The following IFT172 variants were observed in gnomAD, a reference collection of about 807,000 sequenced individuals.
IFT172 encodes intraflagellar transport 172.
IFT172 carries 164 observed loss-of-function variants against 248.9 expected under a neutral mutation model. The observed-to-expected ratio is 0.66, with a 90% confidence interval of 0.58 to 0.75. The LOEUF (loss-of-function observed/expected upper bound fraction) is 0.75. Among genes scored for constraint, IFT172 ranks in the 30% least tolerant of loss-of-function variants. The pLI, the probability that IFT172 is intolerant of heterozygous loss-of-function variation, is 0.00. For missense variants in IFT172, 1,950 were observed against 2,192.4 expected (o/e 0.89, Z 2.21); for synonymous variants, 729 against 791.6 (o/e 0.92, Z 1.33).
In IFT172 at chr2:27,453,867, C is replaced by G. The variant is rs1411582768; in HGVS notation, c.3711+115G>C. On this transcript the variant is annotated intron_variant, in intron 33 of 47. Coordinates refer to ENST00000260570, the MANE Select transcript of IFT172 (RefSeq NM_015662.3). ...CTTCTCCTCCTCTTTCCTGTCTTCCCCACTCCCCAATACTAACCTCCCTGA... is the reference window on the plus strand; with the variant it reads ...CTTCTCCTCCTCTTTCCTGTCTTCCGCACTCCCCAATACTAACCTCCCTGA... 8.6e-6 allele frequency: 12 copies of G among 1,397,858 alleles called. No individual in the cohort carries two copies. In the East Asian group the frequency reaches 2.5e-4, roughly 30 times the overall value. The allele number at this position is 1,397,858 out of a possible 1,614,324, so 86.6% of individuals were successfully genotyped here.
intron 23 of IFT172, 126 bp from the exon 24 acceptor site, chr2:27,459,955 A>G: frequency 8.1e-7 from 1 of 1,234,658 alleles, no homozygotes; most frequent in Non-Finnish European, 1.1e-6. Context: ...GGAGCCAGGC[A>G]TCCTGAACAC....
At chr2:27,467,512 TGA>T (rs1475817074) in intron 16 of IFT172, among the ~76,000 whole-genome samples, 2 of 133,492 alleles carry the variant, frequency 1.5e-5, no homozygotes, top group East Asian at 4.4e-4. Flanking sequence ...CTCAGGAGGC[TGA>T]GATAGGAGTA....
At position 27,447,554 on chromosome 2, in the gene IFT172, G is replaced by A. The variant is rs1191924058; in HGVS notation, c.4620C>T (p.Tyr1540=). 1.9e-6 allele frequency: 3 copies of A among 1,614,166 alleles called. 1 individual carries two copies. Among genetic ancestry groups the A allele is most frequent in the East Asian group, 4.5e-5 (2 of 44,880 alleles). The change falls in exon 42 of 48, where the codon TAC becomes TAT. Residue 1540 remains tyrosine, a synonymous_variant. Coordinates refer to ENST00000260570, the MANE Select transcript of IFT172 (RefSeq NM_015662.3). ...TCTGGGCTGCAGAGCGCGTGGCATAGTAATGAGCGATCAGCAGCATCGTCT... is the reference window on the plus strand; with the variant it reads ...TCTGGGCTGCAGAGCGCGTGGCATAATAATGAGCGATCAGCAGCATCGTCT... The part of the protein sequence containing the change: ...EFKTMLLIAH[Y]YATRSAAQSV...
chr2:27,467,555 T>C (rs1572783029), intron 16 of IFT172, among the ~76,000 whole-genome samples: 1 of 124,638 alleles, frequency 8.0e-6, no homozygotes, highest in South Asian at 2.4e-4. Flanking sequence ...GAGGCTGCAG[T>C]GAGCCAAGAT....
At chr2:27,481,491 A>G (rs1439195665) in intron 7 of IFT172, among the ~76,000 whole-genome samples, 1 of 151,292 alleles carries the variant, frequency 6.6e-6, no homozygotes, top group Non-Finnish European at 1.5e-5. Context: ...ATAGGGGTTG[A>G]CCTTGTGCTC....
intron 5 of IFT172, 95 bp downstream of exon 5, chr2:27,483,777 C>T (rs1668555479): frequency 1.4e-6 from 2 of 1,434,600 alleles, no homozygotes; most frequent in Non-Finnish European, 2.0e-6. Context: ...CCCCAGTACG[C>T]AACTTGATCC....
At position 27,445,367 on chromosome 2, in the gene IFT172, T is replaced by C. The variant is rs1664968356; in HGVS notation, c.4997A>G (p.Glu1666Gly). ...QRLEQVLPRD[E>G]RGAYEASLVA... ...TAGGGAGGCCTCGTAGGCGCCACGC[T>C]CATCCCGAGGCAGAACCTGCTCCAG... is the stretch of plus-strand genomic sequence containing the variant. The change falls in exon 46 of 48, where the codon GAG becomes GGG. Residue 1666 changes from glutamate to glycine, a missense_variant. Glu to Gly is a moderately conservative substitution (Grantham distance 98). Transcript: ENST00000260570. The surrounding 1 kb of genome is among the most constrained non-coding windows in gnomAD (Gnocchi z 4.4). 6.2e-7 allele frequency: 1 copy of C among 1,612,966 alleles called. No homozygotes were observed. The highest frequency in any genetic ancestry group is 1.3e-5 in the African/African-American group (1 of 74,812).
chr2:27,449,725 TG>T lies in IFT172; in HGVS notation c.4125del (p.Asn1375LysfsTer6), dbSNP rs1558357850. On this transcript the variant is annotated frameshift_variant, in exon 37 of 48. Coordinates refer to ENST00000260570, the MANE Select transcript of IFT172 (RefSeq NM_015662.3). LOFTEE classifies it high-confidence loss of function. Reference sequence around the variant, plus strand: ...AACTCCTTAGCTACACGCTTCGCCTTGTTCCACTCCTCACCCTCGATGAAAG... The same window carrying T: ...AACTCCTTAGCTACACGCTTCGCCTTTTCCACTCCTCACCCTCGATGAAAG... ...IDAFIEGEEW[N>X]KAKRVAKELD... 1 of 1,614,072 alleles carries T rather than the reference TG, an allele frequency of 6.2e-7. No individual in the cohort carries two copies. The highest frequency in any genetic ancestry group is 2.2e-5 in the East Asian group (1 of 44,880).
chr2:27,483,813 T>G, intron 5 of IFT172, 59 bp downstream of exon 5: 1 of 1,490,576 alleles, frequency 6.7e-7, no homozygotes, highest in Admixed American at 1.7e-5. Flanking sequence ...ACCATATTCC[T>G]CTCTCCAGAA....
rs560831644 is a variant in IFT172, at chr2:27,445,070, G to T, written c.5104C>A (p.Arg1702=). 1 of 1,613,972 alleles carries T rather than the reference G, an allele frequency of 6.2e-7. No individual in the cohort carries two copies. Among genetic ancestry groups the T allele is most frequent in the Admixed American group, 1.7e-5 (1 of 59,988 alleles). ...TCCTTGTTAGCAGCCTTCCCTGGCC[G>T]CTTAAATTCAATTTTGTTCCTCAGA... The part of the protein sequence containing the change: ...PILRNKIEFK[R]PGKAANKDNW... The change falls in exon 47 of 48, where the codon CGG becomes AGG. Residue 1702 remains arginine, a synonymous_variant. Transcript: ENST00000260570. This position sits in a 1 kb window ranked among gnomAD's most constrained non-coding sequence, Gnocchi z 4.4.
At chr2:27,485,894 T>TGA (rs1020379976) in intron 1 of IFT172, among the ~76,000 whole-genome samples, 1 of 152,222 alleles carries the variant, frequency 6.6e-6, no homozygotes, top group East Asian at 1.9e-4. Flanking sequence ...GGCCAGGGGC[T>TGA]GAGAGAGAGA....
intron 35 of IFT172, 113 bp downstream of exon 35, chr2:27,453,271 C>T (rs749373085): frequency 1.5e-6 from 2 of 1,352,426 alleles, no homozygotes; most frequent in South Asian, 2.4e-5. Flanking sequence ...TTCCTGCTAC[C>T]TGATTGAAAA....
chr2:27,467,544 T>A (rs1667190951), intron 16 of IFT172, among the ~76,000 whole-genome samples: 1 of 130,470 alleles, frequency 7.7e-6, no homozygotes. Context: ...CCCAGGAGGC[T>A]GAGGCTGCAG....
chr2:27,466,937 C>T (rs925201231), intron 16 of IFT172, among the ~76,000 whole-genome samples: 1 of 151,970 alleles, frequency 6.6e-6, no homozygotes, highest in Non-Finnish European at 1.5e-5. Flanking sequence ...ATCACTTGAG[C>T]CCAGGAGTTT....
intron 16 of IFT172, among the ~76,000 whole-genome samples, chr2:27,467,263 C>T (rs1256532658): frequency 1.7e-4 from 25 of 151,230 alleles, no homozygotes; most frequent in Admixed American, 6.6e-5. Context: ...ATTAATGAAT[C>T]GAAACAGATC....
chr2:27,481,933 T>C (rs1012585315), intron 7 of IFT172, among the ~76,000 whole-genome samples: 4 of 151,906 alleles, frequency 2.6e-5, no homozygotes, highest in African/African-American at 7.3e-5. Flanking sequence ...ACAAAGAGCA[T>C]AGGGCTTCTT....
rs765364202 is a variant in IFT172 at position 27,459,832 on chromosome 2, G to A, written c.2522-3C>T. The A allele has an allele frequency of 1.2e-6, 2 of 1,610,242 alleles. No individual in the cohort carries two copies. Among genetic ancestry groups the A allele is most frequent in the Non-Finnish European group, 1.7e-6 (2 of 1,179,964 alleles). The stretch of plus-strand genomic sequence containing the variant: ...GGCCAATCGAGCCAGCTCTACCGCT[G>A]CCAGGGAGAGAAAAGATGCTCAGCC... On this transcript the variant is annotated splice_region_variant and splice_polypyrimidine_tract_variant and intron_variant, in intron 23 of 47. Transcript: ENST00000260570.
rs1363746109 is a variant in IFT172, at chr2:27,487,738, A to C, written c.39+1877T>G. Reference sequence around the variant, plus strand: ...CTCCCGAGTAGCTGGGATTACAGGCATGCGCCACCACATCTAGCTAATTTT... The same window carrying C: ...CTCCCGAGTAGCTGGGATTACAGGCCTGCGCCACCACATCTAGCTAATTTT... On this transcript the variant is annotated intron_variant, in intron 1 of 47. Coordinates refer to ENST00000260570, the MANE Select transcript of IFT172 (RefSeq NM_015662.3). Among the ~76,000 whole-genome samples the C allele has an allele frequency of 3.3e-5, 5 of 151,884 alleles. No individual in the cohort carries two copies. The South Asian group carries it at 1.0e-3, about 32-fold the overall frequency.
chr2:27,460,045 C>T (rs916476164), intron 23 of IFT172, among the ~76,000 whole-genome samples: 1 of 151,828 alleles, frequency 6.6e-6, no homozygotes, highest in African/African-American at 2.4e-5. Context: ...ACATAGGAGA[C>T]TCCATTTTGT....
Sources: allele counts gnomAD v4.1 joint callset (sites outside exome capture counted in the v4.1 genomes callset), GRCh38; gene constraint gnomAD v4.1.1; non-coding constraint Gnocchi (gnomAD v3.1); transcripts MANE v1.5; gene names NCBI Gene and HGNC (gene_info 2026-07-23, HGNC 2026-07-21).